Variants in PALM2AKAP2 observed in about 807,000 individuals in gnomAD.
The protein encoded by PALM2AKAP2 is PALM2-AKAP2 fusion protein.
In PALM2AKAP2, 37 loss-of-function variants were observed where a neutral mutation model predicts 71.5. The observed-to-expected ratio is 0.52, with a 90% CI of 0.40 to 0.68. The LOEUF (loss-of-function observed/expected upper bound fraction) is 0.68. Among genes scored for constraint, PALM2AKAP2 ranks in the 30% least tolerant of loss-of-function variants. The pLI, the probability that PALM2AKAP2 is intolerant of heterozygous loss-of-function variation, is 0.00. For missense variants in PALM2AKAP2, 1,224 were observed against 1,191.8 expected (o/e 1.03, Z -0.40); for synonymous variants, 468 against 478.8 (o/e 0.98, Z 0.29).
rs1830837624 is a variant in PALM2AKAP2, at chr9:109,921,825, A to G, written c.258-1910A>G. 2.6e-5 allele frequency among the ~76,000 whole-genome samples: 4 copies of G among 152,262 alleles called. No individual in the cohort carries two copies. The South Asian group carries it at 6.2e-4, about 24-fold the overall frequency. On this transcript the variant is annotated intron_variant, in intron 3 of 9. Coordinates refer to the PALM2AKAP2 transcript ENST00000302798. ...ACCATGGGGACTTATAAGCTGTAGG[A>G]CTTCTACTTTTACCCTGAGTGAAAT...
At chr9:109,789,904 G>A (rs1256749327) in intron 1 of PALM2AKAP2, among the ~76,000 whole-genome samples, 1 of 152,130 alleles carries the variant, frequency 6.6e-6, no homozygotes, top group Admixed American at 6.5e-5. Context: ...CACACAGAAA[G>A]GGAGACAGAC....
intron 7 of PALM2AKAP2, among the ~76,000 whole-genome samples, chr9:110,023,265 C>A (rs149616768): frequency 6.7e-6 from 1 of 149,654 alleles, no homozygotes; most frequent in African/African-American, 2.5e-5. Context: ...TTTAATGATC[C>A]CCATTCTAAC....
intron 1 of PALM2AKAP2, among the ~76,000 whole-genome samples, chr9:110,089,556 T>A (rs1172199123): frequency 6.6e-6 from 1 of 152,162 alleles, no homozygotes; most frequent in Non-Finnish European, 1.5e-5. Context: ...GGACAATGTT[T>A]AAAAAAATCC....
intron 1 of PALM2AKAP2, among the ~76,000 whole-genome samples, chr9:110,059,190 G>A (rs1404109890): frequency 5.3e-5 from 8 of 152,138 alleles, no homozygotes; most frequent in Admixed American, 2.6e-4. Context: ...GTGAGCCACC[G>A]CGCCCAGCCG....
chr9:109,947,134 A>G (rs1385725359), intron 6 of PALM2AKAP2, among the ~76,000 whole-genome samples: 1 of 152,264 alleles, frequency 6.6e-6, no homozygotes, highest in Non-Finnish European at 1.5e-5. Context: ...CCTTCTGAGC[A>G]ATCTTAGAAT....
intron 6 of PALM2AKAP2, among the ~76,000 whole-genome samples, chr9:109,957,345 T>G (rs1831766450): frequency 6.6e-6 from 1 of 152,184 alleles, no homozygotes; most frequent in Non-Finnish European, 1.5e-5. Context: ...CTGGCTCCAC[T>G]ATAAAACACT....
At chr9:109,718,017 T>C (rs1472808235) in intron 1 of PALM2AKAP2, among the ~76,000 whole-genome samples, 1 of 152,228 alleles carries the variant, frequency 6.6e-6, no homozygotes, top group Non-Finnish European at 1.5e-5. Context: ...CCTTTTTGAC[T>C]AAAAATTCTG....
At chr9:109,714,964 A>G (rs1259486751) in intron 1 of PALM2AKAP2, among the ~76,000 whole-genome samples, 1 of 152,206 alleles carries the variant, frequency 6.6e-6, no homozygotes, top group African/African-American at 2.4e-5. Flanking sequence ...ACTTCCTCAC[A>G]GCACTTGCAT....
chr9:110,143,266 A>C (rs957264071), intron 2 of PALM2AKAP2, among the ~76,000 whole-genome samples: 8 of 151,428 alleles, frequency 5.3e-5, no homozygotes, highest in Admixed American at 1.3e-4. Flanking sequence ...AAAAAAAAAA[A>C]GAAAAATTAC....
Position 109,649,862 on chromosome 9 carries a change from C to T in PALM2AKAP2, c.5+8996C>T, listed in dbSNP as rs143965311. On this transcript the variant is annotated intron_variant, in intron 1 of 6. Coordinates refer to the PALM2AKAP2 transcript ENST00000374531. ...TCAAAAAAGTTGTGTAGAGAGTGAGCAGATCATTCAGACAGATCACATATC... is the reference window on the plus strand; with the variant it reads ...TCAAAAAAGTTGTGTAGAGAGTGAGTAGATCATTCAGACAGATCACATATC... Among the ~76,000 whole-genome samples, 91 of 152,274 alleles carry T rather than the reference C, an allele frequency of 6.0e-4. No homozygotes were observed. The East Asian group carries it at 0.014, about 24-fold the overall frequency.
chr9:109,938,735 A>C (rs1831288120), intron 6 of PALM2AKAP2, among the ~76,000 whole-genome samples: 1 of 152,184 alleles, frequency 6.6e-6, no homozygotes, highest in Non-Finnish European at 1.5e-5. Context: ...GAAGGATATT[A>C]AAAGGGACCT....
intron 1 of PALM2AKAP2, among the ~76,000 whole-genome samples, chr9:110,068,320 CA>C (rs1348703352): frequency 6.7e-6 from 1 of 149,394 alleles, no homozygotes; most frequent in Non-Finnish European, 1.5e-5. Context: ...TTTAAGGAGG[CA>C]ACTGAATAGC....
In PALM2AKAP2 at chr9:109,819,679, A is replaced by T. The variant is rs115940111; in HGVS notation, c.45+39146A>T. ...GGTTTGAACACACACACACGTAAAT[A>T]AAGGCCTAATTATGTGTGTGTGTGT... On this transcript the variant is annotated intron_variant, in intron 1 of 9. Transcript: ENST00000302798. Among the ~76,000 whole-genome samples the T allele has an allele frequency of 4.3e-3, 467 of 109,160 alleles. 7 individuals carry two copies. The highest frequency in any genetic ancestry group is 0.013 in the African/African-American group (450 of 33,902). The allele number at this position is 109,160 out of a possible 152,430, so 71.6% of individuals were successfully genotyped here.
chr9:110,142,719 A>G, intron 2 of PALM2AKAP2, among the ~76,000 whole-genome samples: 1 of 152,212 alleles, frequency 6.6e-6, no homozygotes, highest in East Asian at 1.9e-4. Context: ...CTCAAAAGGA[A>G]TAGAGAACTT....
intron 2 of PALM2AKAP2, among the ~76,000 whole-genome samples, chr9:109,875,233 C>T (rs992349736): frequency 3.3e-5 from 5 of 152,330 alleles, no homozygotes; most frequent in African/African-American, 7.2e-5. Context: ...AACACCCCTC[C>T]GGATCTCAGA....
intron 1 of PALM2AKAP2, among the ~76,000 whole-genome samples, chr9:109,659,000 T>C (rs1827349429): frequency 6.6e-6 from 1 of 152,214 alleles, no homozygotes; most frequent in South Asian, 2.1e-4. Flanking sequence ...AAGGTTGCCT[T>C]TGAGAGTAAA....
chr9:109,813,026 C>T (rs1827763231), intron 1 of PALM2AKAP2, among the ~76,000 whole-genome samples: 1 of 152,160 alleles, frequency 6.6e-6, no homozygotes, highest in African/African-American at 2.4e-5. Context: ...TTAAGCAGAC[C>T]AAATCAAATC....
chr9:109,896,527 C>G (rs997580708), intron 3 of PALM2AKAP2, among the ~76,000 whole-genome samples: 3 of 152,140 alleles, frequency 2.0e-5, no homozygotes, highest in Non-Finnish European at 2.9e-5. Context: ...GAACATTATT[C>G]AGGCCAGGCA....
At chr9:109,991,895 C>T (rs2041006460) in intron 6 of PALM2AKAP2, among the ~76,000 whole-genome samples, 1 of 152,144 alleles carries the variant, frequency 6.6e-6, no homozygotes, top group Non-Finnish European at 1.5e-5. Flanking sequence ...TCCAGAAGAC[C>T]ATGCTAGGAC....
Sources: gnomAD v4.1 joint callset for allele counts (sites outside exome capture counted in the v4.1 genomes callset) on GRCh38, gnomAD v4.1.1 for gene constraint, MANE v1.5 for transcripts, NCBI Gene and HGNC (gene_info 2026-07-23, HGNC 2026-07-21) for gene names.